Variants in ZNF385B observed in about 807,000 individuals in gnomAD.
ZNF385B encodes zinc finger protein 385B.
Under a neutral mutation model 39.2 loss-of-function variants are expected in ZNF385B, and 23 were observed. That is an observed-to-expected ratio of 0.59 (90% CI 0.42 to 0.83). The LOEUF is 0.83. ZNF385B is among the 40% of genes least tolerant of loss of function. The pLI is 0.00. For missense variants in ZNF385B, 552 were observed against 598.9 expected (o/e 0.92, Z 0.82); for synonymous variants, 205 against 222.6 (o/e 0.92, Z 0.70).
chr2:179,772,377 A>C (rs188098944), intron 1 of ZNF385B, among the ~76,000 whole-genome samples: 518 of 152,298 alleles, frequency 3.4e-3, no homozygotes, highest in South Asian at 7.1e-3. Context: ...GCCACTCTAG[A>C]AAAGACCCAA....
chr2:179,615,855 G>A (rs1689685882), intron 3 of ZNF385B, among the ~76,000 whole-genome samples: 1 of 152,154 alleles, frequency 6.6e-6, no homozygotes, highest in Admixed American at 6.5e-5. Flanking sequence ...GCACATGTTA[G>A]TTACCATCAG....
intron 4 of ZNF385B, among the ~76,000 whole-genome samples, chr2:179,539,820 G>A (rs4894108): frequency 0.74 from 113,076 of 152,108 alleles, 42,529 homozygotes; most frequent in Middle Eastern, 0.83. Flanking sequence ...AACTTTGGTA[G>A]CGATTTTCAG....
chr2:179,634,767 G>A (rs569170166), intron 3 of ZNF385B, among the ~76,000 whole-genome samples: 29 of 152,178 alleles, frequency 1.9e-4, no homozygotes, highest in East Asian at 5.8e-4. Flanking sequence ...TGTTTATTGC[G>A]CCACTATTCA....
chr2:179,709,503 G>A (rs1171845915), intron 3 of ZNF385B, among the ~76,000 whole-genome samples: 1 of 150,986 alleles, frequency 6.6e-6, no homozygotes, highest in Non-Finnish European at 1.5e-5. Flanking sequence ...TCTACCATGA[G>A]GATGCCCACA....
At chr2:179,791,176 C>T (rs1298311312) in intron 1 of ZNF385B, among the ~76,000 whole-genome samples, 1 of 152,204 alleles carries the variant, frequency 6.6e-6, no homozygotes, top group Non-Finnish European at 1.5e-5. Context: ...TTCCGATCTA[C>T]ATGAACATTT....
intron 1 of ZNF385B, among the ~76,000 whole-genome samples, chr2:179,781,227 T>C (rs761386265): frequency 6.6e-6 from 1 of 152,122 alleles, no homozygotes; most frequent in Non-Finnish European, 1.5e-5. Context: ...GGACTTACAC[T>C]AAGAGACATC....
chr2:179,538,429 G>A (rs1445743094), intron 4 of ZNF385B, among the ~76,000 whole-genome samples: 2 of 152,058 alleles, frequency 1.3e-5, no homozygotes, highest in African/African-American at 4.8e-5. Context: ...CGAATTAAAA[G>A]CAAAGCAAAT....
intron 1 of ZNF385B, among the ~76,000 whole-genome samples, chr2:179,813,524 C>T (rs1288293609): frequency 2.6e-5 from 4 of 152,136 alleles, no homozygotes; most frequent in Admixed American, 6.5e-5. Flanking sequence ...ACTACCAAAA[C>T]GTCTTCAGGG....
At chr2:179,585,480 T>C (rs1456534220) in intron 3 of ZNF385B, among the ~76,000 whole-genome samples, 1 of 152,182 alleles carries the variant, frequency 6.6e-6, no homozygotes, top group Non-Finnish European at 1.5e-5. Flanking sequence ...ACCTGACTCA[T>C]TCTGCACTAT....
At chr2:179,637,031 C>T (rs1691822762) in intron 3 of ZNF385B, among the ~76,000 whole-genome samples, 1 of 152,168 alleles carries the variant, frequency 6.6e-6, no homozygotes, top group African/African-American at 2.4e-5. Context: ...ACATAAAAAA[C>T]TCATAGCAAG....
chr2:179,749,151 G>T (rs1003955493), intron 3 of ZNF385B, among the ~76,000 whole-genome samples: 1 of 151,844 alleles, frequency 6.6e-6, no homozygotes, highest in Non-Finnish European at 1.5e-5. Flanking sequence ...TATCCTATAA[G>T]ATGAGTAACA....
Position 179,833,177 on chromosome 2 carries a change from A to G in ZNF385B, c.-155+27924T>C, listed in dbSNP as rs165385. 7.8e-3 allele frequency among the ~76,000 whole-genome samples: 1,180 copies of G among 152,256 alleles called. 17 individuals are homozygous for G. Among genetic ancestry groups the G allele is most frequent in the African/African-American group, 0.027 (1,116 of 41,560 alleles). ...TACTTGGTTATAATTTTATTTAGGC[A>G]CAATTGAATATTTGACCAGATTTTT... is the stretch of plus-strand genomic sequence containing the variant. On this transcript the variant is annotated intron_variant, in intron 1 of 9. Transcript: ENST00000410066.
intron 4 of ZNF385B, among the ~76,000 whole-genome samples, chr2:179,528,171 C>T (rs80049343): frequency 0.011 from 1,604 of 152,328 alleles, 31 homozygotes; most frequent in African/African-American, 0.037. Flanking sequence ...CTAAGAGACA[C>T]GCTCCTCAGC....
chr2:179,531,165 G>A, intron 4 of ZNF385B, among the ~76,000 whole-genome samples: 1 of 152,102 alleles, frequency 6.6e-6, no homozygotes, highest in East Asian at 1.9e-4. Flanking sequence ...GCCTCCTCAG[G>A]TAACACCTGA....
chr2:179,595,417 T>C (rs1039169685), intron 3 of ZNF385B, among the ~76,000 whole-genome samples: 2 of 152,104 alleles, frequency 1.3e-5, no homozygotes, highest in East Asian at 3.9e-4. Flanking sequence ...ATGGTTTGGG[T>C]TCCATCATTC....
chr2:179,665,985 T>C (rs7421557), intron 3 of ZNF385B, among the ~76,000 whole-genome samples: 27,930 of 152,184 alleles, frequency 0.18, 2,988 homozygotes, highest in Admixed American at 0.24. Context: ...GGGAGGAATG[T>C]GTTTTTCCTA....
chr2:179,822,084 T>C (rs911283190), intron 1 of ZNF385B, among the ~76,000 whole-genome samples: 3 of 152,224 alleles, frequency 2.0e-5, no homozygotes, highest in African/African-American at 7.2e-5. Flanking sequence ...TTATTTAAAA[T>C]ATTCTTGTTT....
intron 3 of ZNF385B, among the ~76,000 whole-genome samples, chr2:179,743,719 C>T (rs1250028805): frequency 6.6e-6 from 1 of 152,112 alleles, no homozygotes; most frequent in African/African-American, 2.4e-5. Flanking sequence ...TTAAGGAAAG[C>T]ATTCTTAGCA....
intron 3 of ZNF385B, among the ~76,000 whole-genome samples, chr2:179,589,965 T>C (rs533480199): frequency 6.6e-6 from 1 of 152,312 alleles, no homozygotes; most frequent in African/African-American, 2.4e-5. Flanking sequence ...GTCACCAAAG[T>C]GATAAAAATG....
Sources: allele counts gnomAD v4.1 joint callset (sites outside exome capture counted in the v4.1 genomes callset), GRCh38; gene constraint gnomAD v4.1.1; transcripts MANE v1.5; gene names NCBI Gene and HGNC (gene_info 2026-07-23, HGNC 2026-07-21).